HMGA2: variants seen among roughly 807,000 people sequenced by gnomAD.
HMGA2 encodes high mobility group protein HMGI-C.
HMGA2 carries 8 observed loss-of-function variants against 19.1 expected under a neutral mutation model. That is an observed-to-expected ratio of 0.42 (90% CI 0.25 to 0.76). The LOEUF (loss-of-function observed/expected upper bound fraction) is 0.76. Among genes scored for constraint, HMGA2 ranks in the 30% least tolerant of loss-of-function variants. The pLI is 0.28. For synonymous variants in HMGA2, 60 were observed against 48.8 expected, an observed-to-expected ratio of 1.23 and a Z score of -0.96; for missense variants, 109 against 136.3, an observed-to-expected ratio of 0.80 and a Z score of 1.00.
At chr12:65,934,696 A>C (rs1462300113) in intron 3 of HMGA2, 2 of 152,174 alleles carry the variant, frequency 1.3e-5, no homozygotes, top group Non-Finnish European at 2.9e-5. Context: ...CCTCACTTGA[A>C]AGTGATTTGC....
chr12:65,900,739 A>G (rs1426036246), intron 3 of HMGA2, among the ~76,000 whole-genome samples: 2 of 152,190 alleles, frequency 1.3e-5, no homozygotes, highest in Admixed American at 1.3e-4. Flanking sequence ...CACTCACTCA[A>G]TTCGGTTAAT....
intron 4 of HMGA2, chr12:65,956,219 G>A (rs959793948): frequency 1.3e-5 from 2 of 152,092 alleles, no homozygotes; most frequent in African/African-American, 4.8e-5. Flanking sequence ...TTATTTTCTT[G>A]CTTATGCACT....
At chr12:65,828,160 A>G in intron 2 of HMGA2, 73 bp downstream of exon 2, 1 of 1,090,822 alleles carries the variant, frequency 9.2e-7, no homozygotes, top group Non-Finnish European at 1.4e-6. Context: ...TAACTTTCCC[A>G]TTCTAACTCC....
chr12:65,868,930 C>T (rs1035553404), intron 3 of HMGA2, among the ~76,000 whole-genome samples: 6 of 152,154 alleles, frequency 3.9e-5, no homozygotes, highest in Non-Finnish European at 7.4e-5. Context: ...ATATTATAAA[C>T]ATTAATGCTG....
chr12:65,869,960 A>G (rs1259956136), intron 3 of HMGA2, among the ~76,000 whole-genome samples: 1 of 152,038 alleles, frequency 6.6e-6, no homozygotes, highest in African/African-American at 2.4e-5. Context: ...AAATCTTAAC[A>G]GTTTTTCAGC....
rs1870294019 is a variant in HMGA2 at position 65,827,994 on chromosome 12, C to A, written c.112-7C>A. 6.2e-7 allele frequency: 1 copy of A among 1,605,792 alleles called. No homozygotes were observed. Among genetic ancestry groups the A allele is most frequent in the Non-Finnish European group, 8.5e-7 (1 of 1,172,682 alleles). ...CACAACAGCATTTTTTTTTCCCTCA[C>A]AATTAGGAACCAACCGGTGAGCCCT... is the stretch of plus-strand genomic sequence containing the variant. On this transcript the variant is annotated splice_region_variant and splice_polypyrimidine_tract_variant and intron_variant, in intron 1 of 4. Coordinates refer to ENST00000403681, the MANE Select transcript of HMGA2 (RefSeq NM_003483.6).
At position 65,963,297 on chromosome 12, in the gene HMGA2, C is replaced by G. The variant is rs1043157437; in HGVS notation, c.*5C>G. The G allele has an allele frequency of 3.7e-6, 6 of 1,612,900 alleles. No homozygotes were observed. In the Admixed American group the frequency reaches 6.7e-5, roughly 18 times the overall value. On this transcript the variant is annotated 3_prime_UTR_variant, in exon 5 of 5. Transcript: ENST00000403681. ...GAGTCTGCCGAAGAGGACTAGGGGG[C>G]GCCAACGTTCGATTTCTACCTCAGC... is the stretch of plus-strand genomic sequence containing the variant.
At chr12:65,859,241 C>T (rs1423553732) in intron 3 of HMGA2, 1 of 152,244 alleles carries the variant, frequency 6.6e-6, no homozygotes, top group Non-Finnish European at 1.5e-5. Context: ...AATAGCACCC[C>T]TTTCACTCCC....
chr12:65,863,061 TAC>T (rs1872195108), intron 3 of HMGA2, among the ~76,000 whole-genome samples: 1 of 152,174 alleles, frequency 6.6e-6, no homozygotes, highest in South Asian at 2.1e-4. Flanking sequence ...AGACTGAGCT[TAC>T]CACTGGGATA....
intron 4 of HMGA2, chr12:65,952,464 T>C: frequency 6.5e-7 from 1 of 1,531,846 alleles, no homozygotes; most frequent in Non-Finnish European, 8.7e-7. Flanking sequence ...CATGAAAGGA[T>C]CCAAGGAAAG....
rs1268213022 is a variant in HMGA2, at chr12:65,825,267, C to G, written c.-4C>G. ...CAGCGGCGGTAGCGGCGGCGGGAGG[C>G]AGGATGAGCGCACGCGGTGAGGGCG... is the stretch of plus-strand genomic sequence containing the variant. On this transcript the variant is annotated 5_prime_UTR_variant, in exon 1 of 5. Coordinates refer to ENST00000403681, the MANE Select transcript of HMGA2 (RefSeq NM_003483.6). This position sits in a 1 kb window ranked among gnomAD's most constrained non-coding sequence, Gnocchi z 4.4. The G allele has an allele frequency of 6.5e-7, 1 of 1,527,130 alleles. No individual in the cohort carries two copies. The highest frequency in any genetic ancestry group is 2.5e-5 in the East Asian group (1 of 39,792). 94.6% of individuals were successfully genotyped at this position (1,527,130 alleles called of 1,614,324 possible). A position where few individuals can be genotyped will look rare whatever the true frequency, so the allele number is the denominator to read the frequency against.
chr12:65,921,438 G>A (rs773072493), intron 3 of HMGA2, among the ~76,000 whole-genome samples: 3 of 151,944 alleles, frequency 2.0e-5, no homozygotes, highest in Non-Finnish European at 4.4e-5. Context: ...TAGTAGAGAC[G>A]GGGTTTCACC....
At chr12:65,923,431 C>T (rs1289646059) in intron 3 of HMGA2, among the ~76,000 whole-genome samples, 3 of 152,192 alleles carry the variant, frequency 2.0e-5, no homozygotes, top group African/African-American at 7.2e-5. Flanking sequence ...CCACTAGGGG[C>T]TTCCCTGTGT....
At chr12:65,946,027 C>T (rs1876251477) in intron 3 of HMGA2, among the ~76,000 whole-genome samples, 1 of 152,054 alleles carries the variant, frequency 6.6e-6, no homozygotes. Context: ...TAATATGACA[C>T]CATATTTAAC....
chr12:65,847,258 A>C (rs1381219812), intron 3 of HMGA2, among the ~76,000 whole-genome samples: 2 of 152,200 alleles, frequency 1.3e-5, no homozygotes, highest in African/African-American at 4.8e-5. Flanking sequence ...ATTGGGTTAA[A>C]AAGATGGGTG....
chr12:65,860,321 A>G (rs1023935504), intron 3 of HMGA2, among the ~76,000 whole-genome samples: 3 of 152,226 alleles, frequency 2.0e-5, no homozygotes, highest in Admixed American at 6.5e-5. Flanking sequence ...AACTTACTGA[A>G]TACTGTACTG....
chr12:65,901,111 A>T (rs1874352769), intron 3 of HMGA2, among the ~76,000 whole-genome samples: 1 of 152,182 alleles, frequency 6.6e-6, no homozygotes, highest in Admixed American at 6.5e-5. Flanking sequence ...GCTGAAATTG[A>T]CCATGGTAGG....
intron 3 of HMGA2, among the ~76,000 whole-genome samples, chr12:65,931,725 C>T (rs1283669798): frequency 6.6e-6 from 1 of 152,058 alleles, no homozygotes; most frequent in East Asian, 1.9e-4. Flanking sequence ...GGATGGGCGC[C>T]AGAACGACAC....
intron 3 of HMGA2, among the ~76,000 whole-genome samples, chr12:65,872,531 C>T (rs965024289): frequency 6.6e-6 from 1 of 152,172 alleles, no homozygotes; most frequent in Non-Finnish European, 1.5e-5. Context: ...CATCATACAC[C>T]CGGTCATCCT....
Sources: gnomAD v4.1 joint callset for allele counts (sites outside exome capture counted in the v4.1 genomes callset) on GRCh38, gnomAD v4.1.1 for gene constraint, Gnocchi (gnomAD v3.1) non-coding constraint, MANE v1.5 for transcripts, NCBI Gene and HGNC (gene_info 2026-07-23, HGNC 2026-07-21) for gene names.